Variants in TMEM132C observed in about 807,000 individuals in gnomAD.
The protein encoded by TMEM132C is transmembrane protein 132C, also known as protein phosphatase 1, regulatory subunit 152.
In TMEM132C, 29 loss-of-function variants were observed where a neutral mutation model predicts 61.4. That is an observed-to-expected ratio of 0.47 (90% CI 0.35 to 0.64). The LOEUF is 0.64. Among genes scored for constraint, TMEM132C ranks in the 30% least tolerant of loss-of-function variants. The pLI is 0.00. For missense variants in TMEM132C, 1,408 were observed against 1,476.9 expected, an observed-to-expected ratio of 0.95 and a Z score of 0.76; for synonymous variants, 656 against 633.1, an observed-to-expected ratio of 1.04 and a Z score of -0.54.
intron 3 of TMEM132C, among the ~76,000 whole-genome samples, chr12:128,567,139 G>T (rs917362494): frequency 6.6e-6 from 1 of 152,054 alleles, no homozygotes; most frequent in Non-Finnish European, 1.5e-5. Context: ...ACCACTCAAG[G>T]ATAGCCAGTC....
At chr12:128,674,011 G>A (rs1455715467) in intron 5 of TMEM132C, among the ~76,000 whole-genome samples, 3 of 152,220 alleles carry the variant, frequency 2.0e-5, no homozygotes, top group African/African-American at 7.2e-5. Flanking sequence ...AGAATTGGAT[G>A]CAACTCACTT....
intron 1 of TMEM132C, among the ~76,000 whole-genome samples, chr12:128,334,742 C>A (rs905628419): frequency 1.3e-5 from 2 of 151,984 alleles, no homozygotes; most frequent in African/African-American, 2.4e-5. Flanking sequence ...ACTACAGGTG[C>A]CCGCCACCAT....
At position 128,665,620 on chromosome 12, in the gene TMEM132C, G is replaced by GGC. The variant is rs553789336; in HGVS notation, c.1306-3796_1306-3795dup. Among the ~76,000 whole-genome samples the GGC allele has an allele frequency of 5.0e-3, 271 of 53,914 alleles. 1 individual carries two copies. Among genetic ancestry groups the GGC allele is most frequent in the East Asian group, 0.016 (31 of 1,888 alleles). 35.4% of individuals were successfully genotyped at this position (53,914 alleles called of 152,430 possible). A position where few individuals can be genotyped will look rare whatever the true frequency, so the allele number is the denominator to read the frequency against. ...AGGCACTCACACATACCCAAACACA[G>GGC]GCACACACACACACACACACACACC... On this transcript the variant is annotated intron_variant, in intron 4 of 8. Transcript: ENST00000435159.
chr12:128,485,818 G>C (rs1644184424), intron 2 of TMEM132C, among the ~76,000 whole-genome samples: 1 of 152,106 alleles, frequency 6.6e-6, no homozygotes, highest in African/African-American at 2.4e-5. Context: ...TGCAAATATT[G>C]AGCTGACGGA....
At chr12:128,275,485 T>C (rs537172013) in intron 1 of TMEM132C, among the ~76,000 whole-genome samples, 5 of 152,184 alleles carry the variant, frequency 3.3e-5, no homozygotes, top group African/African-American at 9.6e-5. Context: ...AAGACAAGCT[T>C]AGGGCTCCCA....
intron 1 of TMEM132C, among the ~76,000 whole-genome samples, chr12:128,291,177 C>G (rs1871235467): frequency 6.6e-6 from 1 of 152,186 alleles, no homozygotes; most frequent in Admixed American, 6.5e-5. Context: ...AAGGCGATCC[C>G]AGAATTCCCC....
intron 1 of TMEM132C, among the ~76,000 whole-genome samples, chr12:128,287,523 ATC>A (rs1180959900): frequency 7.5e-6 from 1 of 134,052 alleles, no homozygotes; most frequent in East Asian, 2.2e-4. Flanking sequence ...CTATATCTAT[ATC>A]TATCTGTGTG....
intron 2 of TMEM132C, among the ~76,000 whole-genome samples, chr12:128,486,541 A>C (rs968160231): frequency 3.9e-5 from 6 of 152,150 alleles, no homozygotes; most frequent in Admixed American, 3.3e-4. Context: ...GCCCTGTGGA[A>C]AGTGTGGGTC....
intron 2 of TMEM132C, among the ~76,000 whole-genome samples, chr12:128,454,753 G>A (rs1480154079): frequency 6.6e-6 from 1 of 152,218 alleles, no homozygotes; most frequent in African/African-American, 2.4e-5. Flanking sequence ...TCAAAGCAAA[G>A]ATAGCAGACA....
In TMEM132C at chr12:128,510,812, CA is replaced by C. The variant is rs1593079902; in HGVS notation, c.975-33144del. Among the ~76,000 whole-genome samples, 4 of 152,366 alleles carry C rather than the reference CA, an allele frequency of 2.6e-5. No homozygotes were observed. In the East Asian group the frequency reaches 5.8e-4, roughly 22 times the overall value. ...AAGCACCTCAGATGGGCGTGGATCA[CA>C]GGGCAGCCTCGCCTGGCGAGTGGCA... On this transcript the variant is annotated intron_variant, in intron 2 of 8. Transcript: ENST00000435159.
chr12:128,415,194 G>A lies in TMEM132C; in HGVS notation c.548G>A (p.Gly183Asp), dbSNP rs1279390736. ...FAFRETREVR[G>D]SCRLKGDLGL... ...TTCCGAGAAACCAGAGAGGTGCGGG[G>A]CAGCTGCCGGCTGAAGGGGGACCTG... Residue 183 changes from glycine (G) to aspartate (D), a missense_variant, in exon 2 of 9, where the codon GGC (glycine) becomes GAC (aspartate). Physicochemically the swap from Gly to Asp is moderately conservative, Grantham distance 94. Transcript: ENST00000435159. This position sits in a 1 kb window ranked among gnomAD's most constrained non-coding sequence, Gnocchi z 5.8. The A allele has an allele frequency of 6.2e-7, 1 of 1,610,822 alleles. No homozygotes were observed. Among genetic ancestry groups the A allele is most frequent in the African/African-American group, 1.3e-5 (1 of 74,890 alleles).
chr12:128,602,577 AAATT>A (rs1445417288), intron 3 of TMEM132C, among the ~76,000 whole-genome samples: 1 of 152,216 alleles, frequency 6.6e-6, no homozygotes, highest in Non-Finnish European at 1.5e-5. Flanking sequence ...TTTAGCCCTG[AAATT>A]CACCAAGGCA....
intron 3 of TMEM132C, among the ~76,000 whole-genome samples, chr12:128,603,800 A>G (rs1416385488): frequency 2.6e-5 from 4 of 152,110 alleles, no homozygotes; most frequent in Admixed American, 2.0e-4. Context: ...GCATCATATA[A>G]AACTGTGCAA....
intron 8 of TMEM132C, among the ~76,000 whole-genome samples, chr12:128,700,863 G>T (rs2135660223): frequency 6.6e-6 from 1 of 152,332 alleles, no homozygotes; most frequent in South Asian, 2.1e-4. Flanking sequence ...CATCTCTTCT[G>T]TCTTAGTTTT....
intron 2 of TMEM132C, among the ~76,000 whole-genome samples, chr12:128,447,504 T>A (rs1402834504): frequency 6.6e-6 from 1 of 152,162 alleles, no homozygotes; most frequent in Non-Finnish European, 1.5e-5. Flanking sequence ...TGGTCAATAT[T>A]TAACAACCTG....
chr12:128,706,638 A>G lies in TMEM132C; in HGVS notation c.*343A>G, dbSNP rs1278823471. 2 of 193,856 alleles carry G rather than the reference A, an allele frequency of 1.0e-5. No individual in the cohort carries two copies. Among genetic ancestry groups the G allele is most frequent in the Admixed American group, 5.8e-5 (1 of 17,298 alleles). The allele number at this position is 193,856 out of a possible 1,614,324, so 12.0% of individuals were successfully genotyped here. On this transcript the variant is annotated 3_prime_UTR_variant, in exon 9 of 9. Transcript: ENST00000435159. ...TATTTGTTAAAAAATGCAACAAGAC[A>G]AATAAAAAGAGAAATAATCATCTGT...
intron 2 of TMEM132C, among the ~76,000 whole-genome samples, chr12:128,489,784 G>A (rs1354665896): frequency 6.6e-6 from 1 of 152,022 alleles, no homozygotes; most frequent in Admixed American, 6.6e-5. Context: ...ATATATGTAT[G>A]AGGGCATGTG....
intron 1 of TMEM132C, among the ~76,000 whole-genome samples, chr12:128,350,705 C>T (rs1438779279): frequency 1.3e-5 from 2 of 152,076 alleles, no homozygotes; most frequent in Non-Finnish European, 2.9e-5. Context: ...CCAGTATCCA[C>T]TCTCCCTTTA....
chr12:128,670,997 C>A (rs879287271), intron 5 of TMEM132C, among the ~76,000 whole-genome samples: 4 of 152,116 alleles, frequency 2.6e-5, no homozygotes, highest in Non-Finnish European at 5.9e-5. Flanking sequence ...AAACAAAATA[C>A]ATTTGTGCTG....
Sources: allele counts gnomAD v4.1 joint callset (sites outside exome capture counted in the v4.1 genomes callset), GRCh38; gene constraint gnomAD v4.1.1; non-coding constraint Gnocchi (gnomAD v3.1); transcripts MANE v1.5; gene names NCBI Gene and HGNC (gene_info 2026-07-23, HGNC 2026-07-21).